SLIT2: variants seen among roughly 807,000 people sequenced by gnomAD.
The protein encoded by SLIT2 is slit homolog 2 protein.
In SLIT2, 41 loss-of-function variants were observed where a neutral mutation model predicts 185.7. The observed-to-expected ratio is 0.22, with a 90% CI of 0.17 to 0.29. The LOEUF (loss-of-function observed/expected upper bound fraction) is 0.29. Ranked by LOEUF, SLIT2 falls within the 10% of genes least tolerant of loss-of-function variation. The pLI, the probability that SLIT2 is intolerant of heterozygous loss-of-function variation, is 1.00. For missense variants in SLIT2, 1,571 were observed against 1,909.0 expected, an observed-to-expected ratio of 0.82 and a Z score of 3.30; for synonymous variants, 693 against 680.2, an observed-to-expected ratio of 1.02 and a Z score of -0.29.
intron 30 of SLIT2, 113 bp downstream of exon 30, chr4:20,589,850 C>T: frequency 1.5e-6 from 1 of 657,900 alleles, no homozygotes; most frequent in Non-Finnish European, 2.7e-6. Flanking sequence ...TTAAAGGGAC[C>T]TATTCACTAG....
intron 4 of SLIT2, among the ~76,000 whole-genome samples, chr4:20,416,763 A>G (rs540718118): frequency 1.3e-5 from 2 of 152,334 alleles, no homozygotes; most frequent in South Asian, 2.1e-4. Context: ...TTGTTCTCAC[A>G]AAAAGAGGAA....
chr4:20,571,147 G>A (rs1260984290), intron 29 of SLIT2, among the ~76,000 whole-genome samples: 1 of 152,064 alleles, frequency 6.6e-6, no homozygotes, highest in Admixed American at 6.6e-5. Context: ...GCCAAAATGT[G>A]ACATCTATAA....
chr4:20,495,849 G>C (rs1293281399), intron 9 of SLIT2, among the ~76,000 whole-genome samples: 1 of 152,050 alleles, frequency 6.6e-6, no homozygotes, highest in Non-Finnish European at 1.5e-5. Context: ...TACTAGCTTA[G>C]TAATTTATTT....
rs139449727 is a variant in SLIT2 at position 20,530,772 on chromosome 4, A to T, written c.1614-1212A>T. 6.0e-3 allele frequency among the ~76,000 whole-genome samples: 914 copies of T among 152,242 alleles called. 9 individuals are homozygous for T. Among genetic ancestry groups the T allele is most frequent in the African/African-American group, 0.021 (863 of 41,554 alleles). ...GGCACATAATTCAGAATATATACAG[A>T]ACTCTTATAATTTAGATTAAAAGGT... is the stretch of plus-strand genomic sequence containing the variant. On this transcript the variant is annotated intron_variant, in intron 16 of 36. Coordinates refer to ENST00000504154, the MANE Select transcript of SLIT2 (RefSeq NM_004787.4).
intron 4 of SLIT2, among the ~76,000 whole-genome samples, chr4:20,274,940 C>A (rs781189390): frequency 3.2e-4 from 48 of 152,206 alleles, no homozygotes; most frequent in Admixed American, 6.5e-4. Flanking sequence ...CTGTTGCTAA[C>A]GTCTGACCTA....
At position 20,542,369 on chromosome 4, in the gene SLIT2, C is replaced by T. The variant is rs181625629; in HGVS notation, c.2144-125C>T. On this transcript the variant is annotated intron_variant, in intron 20 of 36. Coordinates refer to ENST00000504154, the MANE Select transcript of SLIT2 (RefSeq NM_004787.4). ...ATCAATTAGTAAATACTGAATGTCC[C>T]GCAAATAAATGATTATGTAGCTTAA... 4.2e-3 allele frequency: 3,925 copies of T among 924,838 alleles called. 14 individuals are homozygous for T. Among genetic ancestry groups the T allele is most frequent in the Non-Finnish European group, 5.6e-3 (3,343 of 596,426 alleles). 57.3% of individuals were successfully genotyped at this position (924,838 alleles called of 1,614,324 possible).
At position 20,361,876 on chromosome 4, in the gene SLIT2, G is replaced by A. The variant is rs537572291; in HGVS notation, c.395+92995G>A. ...AGCATTCACATTTTTTGGGTGTACA[G>A]CCCAATGAGTTTCTGTAAATATGTC... On this transcript the variant is annotated intron_variant, in intron 4 of 36. Coordinates refer to ENST00000504154, the MANE Select transcript of SLIT2 (RefSeq NM_004787.4). Among the ~76,000 whole-genome samples, 3 of 152,028 alleles carry A rather than the reference G, an allele frequency of 2.0e-5. No homozygotes were observed. The South Asian group carries it at 6.2e-4, about 32-fold the overall frequency.
At chr4:20,542,803 T>C (rs1722917109) in intron 21 of SLIT2, among the ~76,000 whole-genome samples, 177 bp downstream of exon 21, 1 of 141,774 alleles carries the variant, frequency 7.1e-6, no homozygotes, top group Non-Finnish European at 1.5e-5. Flanking sequence ...TAGAGGCCCT[T>C]GGGAATTGCT....
At chr4:20,595,189 A>C (rs773273659) in intron 30 of SLIT2, among the ~76,000 whole-genome samples, 1 of 152,196 alleles carries the variant, frequency 6.6e-6, no homozygotes, top group Non-Finnish European at 1.5e-5. Flanking sequence ...TAATATTAAT[A>C]TATTTGCTTT....
At chr4:20,352,218 G>A (rs1448021254) in intron 4 of SLIT2, among the ~76,000 whole-genome samples, 1 of 152,082 alleles carries the variant, frequency 6.6e-6, no homozygotes, top group Admixed American at 6.6e-5. Context: ...AATCATCACT[G>A]TAACTCAATG....
intron 28 of SLIT2, among the ~76,000 whole-genome samples, chr4:20,568,266 A>C (rs969211179): frequency 2.0e-5 from 3 of 152,108 alleles, no homozygotes; most frequent in African/African-American, 7.2e-5. Flanking sequence ...TCTATTATGA[A>C]GTTCTCTCTT....
chr4:20,541,406 G>A (rs569718698), intron 19 of SLIT2, 47 bp from the exon 20 acceptor site: 20 of 1,571,954 alleles, frequency 1.3e-5, no homozygotes, highest in Admixed American at 1.0e-4. Flanking sequence ...GAAGGAAGAA[G>A]ATGAAACCCC....
chr4:20,553,735 T>TTG (rs3830489), intron 25 of SLIT2, 70 bp from the exon 26 acceptor site: 51,671 of 1,108,696 alleles, frequency 0.047, 2,326 homozygotes, highest in African/African-American at 0.29. Context: ...ACTTCCATAC[T>TTG]TGTGTGTGTG....
chr4:20,497,312 A>G (rs1330093381), intron 9 of SLIT2, among the ~76,000 whole-genome samples: 3 of 152,106 alleles, frequency 2.0e-5, no homozygotes, highest in Non-Finnish European at 4.4e-5. Flanking sequence ...AAAACCTTCA[A>G]TTGTGAAGTG....
intron 4 of SLIT2, among the ~76,000 whole-genome samples, chr4:20,436,415 C>T (rs1157584081): frequency 6.6e-6 from 1 of 152,204 alleles, no homozygotes; most frequent in Non-Finnish European, 1.5e-5. Flanking sequence ...GCCACCAGGC[C>T]ATGTGTTTTC....
At chr4:20,616,383 A>G (rs1182391080) in intron 34 of SLIT2, 2 of 152,268 alleles carry the variant, frequency 1.3e-5, no homozygotes, top group African/African-American at 4.8e-5. Flanking sequence ...TCATCAGCCT[A>G]ACTCTAACCT....
chr4:20,472,524 CTA>C (rs1296023442), intron 5 of SLIT2, among the ~76,000 whole-genome samples: 195 of 7,744 alleles, frequency 0.025, 77 homozygotes, highest in African/African-American at 0.13. Context: ...AGATATATAT[CTA>C]TATATAGATA....
intron 4 of SLIT2, among the ~76,000 whole-genome samples, chr4:20,310,473 C>T (rs187583021): frequency 5.1e-4 from 78 of 152,320 alleles, no homozygotes; most frequent in Non-Finnish European, 9.7e-4. Flanking sequence ...CACACTGAGA[C>T]TTTTCTCTTA....
chr4:20,455,313 C>T lies in SLIT2; in HGVS notation c.396-12439C>T, dbSNP rs116591171. Among the ~76,000 whole-genome samples, 590 of 152,090 alleles carry T rather than the reference C, an allele frequency of 3.9e-3. 2 individuals carry two copies. The highest frequency in any genetic ancestry group is 6.8e-3 in the Middle Eastern group (2 of 294). On this transcript the variant is annotated intron_variant, in intron 4 of 36. Transcript: ENST00000504154. ...ATATAATCTAATGTCTAGAGGTGAA[C>T]CAGAACAGACAAGACTTCTAAGAGA...
Sources: allele counts gnomAD v4.1 joint callset (sites outside exome capture counted in the v4.1 genomes callset), GRCh38; gene constraint gnomAD v4.1.1; transcripts MANE v1.5; gene names NCBI Gene and HGNC (gene_info 2026-07-23, HGNC 2026-07-21).